Variants in MAP4K5 observed in about 807,000 individuals in gnomAD.
MAP4K5 encodes MAPK/ERK kinase kinase kinase 5.
Under a neutral mutation model 135.6 loss-of-function variants are expected in MAP4K5, and 82 were observed. The observed-to-expected ratio is 0.60, with a 90% CI of 0.51 to 0.73. The LOEUF is 0.73. Among genes scored for constraint, MAP4K5 ranks in the 30% least tolerant of loss-of-function variants. MAP4K5 has a pLI of 0.00. For missense variants in MAP4K5, 907 were observed against 1,010.9 expected (o/e 0.90, Z 1.39); for synonymous variants, 347 against 335.0 (o/e 1.04, Z -0.39).
intron 2 of MAP4K5, among the ~76,000 whole-genome samples, chr14:50,531,615 T>A (rs1284563059): frequency 2.6e-5 from 4 of 152,236 alleles, no homozygotes; most frequent in African/African-American, 9.6e-5. Flanking sequence ...TTTTCCATGC[T>A]AACACTAGAG....
At chr14:50,429,352 A>T in intron 28 of MAP4K5, 92 bp from the exon 29 acceptor site, 1 of 721,722 alleles carries the variant, frequency 1.4e-6, no homozygotes, top group Non-Finnish European at 2.3e-6. Context: ...GTGACTTAAA[A>T]TTGATCTTTG....
intron 12 of MAP4K5, 77 bp downstream of exon 12, chr14:50,463,975 A>G (rs371937085): frequency 3.0e-5 from 23 of 771,604 alleles, no homozygotes; most frequent in East Asian, 1.9e-4. Flanking sequence ...TTTATCTTAA[A>G]AACATAAATA....
intron 2 of MAP4K5, among the ~76,000 whole-genome samples, chr14:50,511,322 C>T (rs557828432): frequency 6.6e-6 from 1 of 152,122 alleles, no homozygotes; most frequent in Admixed American, 6.6e-5. Flanking sequence ...TTAACCATCA[C>T]ATGTTCTCAC....
At chr14:50,508,936 G>A (rs749921579) in intron 2 of MAP4K5, among the ~76,000 whole-genome samples, 2 of 152,132 alleles carry the variant, frequency 1.3e-5, no homozygotes, top group Non-Finnish European at 2.9e-5. Context: ...GCACATGTAT[G>A]TTTATTGTGG....
At chr14:50,453,731 T>C (rs1222838757) in intron 14 of MAP4K5, among the ~76,000 whole-genome samples, 1 of 152,108 alleles carries the variant, frequency 6.6e-6, no homozygotes, top group Non-Finnish European at 1.5e-5. Flanking sequence ...TGTTCACCCT[T>C]TCAGATACAT....
chr14:50,512,395 G>C (rs933915766), intron 2 of MAP4K5, among the ~76,000 whole-genome samples: 10 of 152,186 alleles, frequency 6.6e-5, no homozygotes, highest in African/African-American at 2.4e-4. Context: ...CAGATCATTG[G>C]AGGATTTGAA....
chr14:50,466,534 ACTC>A (rs1295781361), intron 11 of MAP4K5, 46 bp downstream of exon 11: 1 of 908,884 alleles, frequency 1.1e-6, no homozygotes, highest in East Asian at 2.6e-5. Flanking sequence ...CTGAATCTAT[ACTC>A]CTTTCGATTG....
intron 2 of MAP4K5, among the ~76,000 whole-genome samples, chr14:50,515,376 GCTCA>G (rs1744729497): frequency 6.6e-6 from 1 of 151,896 alleles, no homozygotes; most frequent in East Asian, 1.9e-4. Context: ...TATCCTTTCA[GCTCA>G]CTTATTCTAG....
At chr14:50,523,971 A>G (rs888749072) in intron 2 of MAP4K5, among the ~76,000 whole-genome samples, 3 of 152,226 alleles carry the variant, frequency 2.0e-5, no homozygotes, top group African/African-American at 7.2e-5. Context: ...AAGGCTCCAG[A>G]TCAGAAAGGG....
At chr14:50,492,822 T>C (rs2037513116) in intron 3 of MAP4K5, among the ~76,000 whole-genome samples, 1 of 152,110 alleles carries the variant, frequency 6.6e-6, no homozygotes. Flanking sequence ...TTCCATATTA[T>C]TGTATCCACA....
chr14:50,434,908 A>G (rs1200570631), intron 27 of MAP4K5, 54 bp downstream of exon 27: 4 of 1,049,818 alleles, frequency 3.8e-6, no homozygotes, highest in Non-Finnish European at 5.7e-6. Context: ...TTTTAGCTTC[A>G]GTTATACACT....
At chr14:50,537,130 G>T (rs1428504706), upstream of MAP4K5, among the ~76,000 whole-genome samples, 1 of 152,182 alleles carries the variant, frequency 6.6e-6, no homozygotes, top group Non-Finnish European at 1.5e-5. Flanking sequence ...CTAGGCCCAG[G>T]GTCCCTGTGC....
intron 15 of MAP4K5, among the ~76,000 whole-genome samples, chr14:50,447,826 A>T (rs2036390363): frequency 6.6e-6 from 1 of 152,188 alleles, no homozygotes; most frequent in Non-Finnish European, 1.5e-5. Flanking sequence ...ATATCATATT[A>T]CTAAACTGTC....
At chr14:50,502,916 C>T (rs1353407382) in intron 3 of MAP4K5, among the ~76,000 whole-genome samples, 1 of 151,630 alleles carries the variant, frequency 6.6e-6, no homozygotes, top group East Asian at 1.9e-4. Flanking sequence ...CAAACTTGCT[C>T]CTGATTGAGC....
In MAP4K5 at chr14:50,453,281, A is replaced by G. The variant is rs571492260; in HGVS notation, c.1015+3235T>C. 4.0e-4 allele frequency among the ~76,000 whole-genome samples: 61 copies of G among 152,192 alleles called. 1 individual carries two copies. The highest frequency in any genetic ancestry group is 1.4e-3 in the African/African-American group (58 of 41,552). On this transcript the variant is annotated intron_variant, in intron 14 of 32. Transcript: ENST00000682126. The stretch of plus-strand genomic sequence containing the variant: ...TCTTCAGATGACAAACCAAAAAAAA[A>G]AAAAGAAAAAAAATTAGGTAATTTA...
intron 2 of MAP4K5, among the ~76,000 whole-genome samples, chr14:50,523,177 G>A (rs2038187173): frequency 1.3e-5 from 2 of 152,136 alleles, no homozygotes; most frequent in African/African-American, 2.4e-5. Context: ...CGGGCGTGGT[G>A]GCCCATGCCT....
chr14:50,468,857 C>G, intron 9 of MAP4K5, 75 bp from the exon 10 acceptor site: 3 of 1,397,402 alleles, frequency 2.1e-6, no homozygotes, highest in Non-Finnish European at 3.0e-6. Flanking sequence ...GTTATAATCA[C>G]CAGACTTGTT....
intron 31 of MAP4K5, among the ~76,000 whole-genome samples, chr14:50,425,137 T>C (rs2035817763): frequency 9.7e-6 from 1 of 103,306 alleles, no homozygotes; most frequent in Non-Finnish European, 2.2e-5. Flanking sequence ...CACACAAGTA[T>C]TCACGTAAAT....
intron 1 of MAP4K5, among the ~76,000 whole-genome samples, chr14:50,552,387 A>T (rs776351718): frequency 4.6e-5 from 7 of 152,218 alleles, no homozygotes; most frequent in Non-Finnish European, 1.0e-4. Flanking sequence ...AAATGGAAAC[A>T]CATCCCATGC....
Sources: allele counts gnomAD v4.1 joint callset (sites outside exome capture counted in the v4.1 genomes callset), GRCh38; gene constraint gnomAD v4.1.1; transcripts MANE v1.5; gene names NCBI Gene and HGNC (gene_info 2026-07-23, HGNC 2026-07-21).